KIRREL3: variants seen among roughly 807,000 people sequenced by gnomAD.
KIRREL3 encodes kirre like nephrin family adhesion molecule 3, also known as kin of IRRE-like protein 3.
In KIRREL3, 36 loss-of-function variants were observed where a neutral mutation model predicts 89.7. The ratio of observed to expected loss-of-function variants is 0.40; its 90% confidence interval spans 0.31 to 0.53. KIRREL3 has a LOEUF of 0.53. Among genes scored for constraint, KIRREL3 ranks in the 20% least tolerant of loss-of-function variants. The probability of loss-of-function intolerance (pLI) is 0.49; values close to 1 mark genes in which losing one functional copy is unlikely to be tolerated. For synonymous variants in KIRREL3, 445 were observed against 441.4 expected (o/e 1.01, Z -0.10); for missense variants, 864 against 1,056.6 (o/e 0.82, Z 2.53).
At chr11:126,851,778 C>T (rs1233200866) in intron 1 of KIRREL3, among the ~76,000 whole-genome samples, 1 of 152,164 alleles carries the variant, frequency 6.6e-6, no homozygotes, top group Admixed American at 6.5e-5. Flanking sequence ...TTTATTTGCC[C>T]TTTTTTGATG....
chr11:126,760,075 C>T (rs1202952862), intron 1 of KIRREL3, among the ~76,000 whole-genome samples: 1 of 152,200 alleles, frequency 6.6e-6, no homozygotes, highest in Non-Finnish European at 1.5e-5. Flanking sequence ...CCCACTGGCC[C>T]TGTCCTCTTG....
intron 1 of KIRREL3, among the ~76,000 whole-genome samples, chr11:126,957,624 T>A (rs1016931565): frequency 6.6e-6 from 1 of 152,136 alleles, no homozygotes; most frequent in African/African-American, 2.4e-5. Flanking sequence ...TAGTGAGTTC[T>A]TGGATGGGAG....
Position 126,543,130 on chromosome 11 carries a change from C to A in KIRREL3, c.134-16443G>T, listed in dbSNP as rs553519294. On this transcript the variant is annotated intron_variant, in intron 2 of 16. Transcript: ENST00000525144. ...TCCACTCTGCCTCTCCTGTCACCCC[C>A]CAAACAGAGGCCCTGCAAAGCCTCA... Among the ~76,000 whole-genome samples, 8 of 152,260 alleles carry A rather than the reference C, an allele frequency of 5.3e-5. No homozygotes were observed. In the South Asian group the frequency reaches 1.2e-3, roughly 24 times the overall value.
rs1470947946 is a variant in KIRREL3, at chr11:126,903,988, C to T, written c.55+96467G>A. On this transcript the variant is annotated intron_variant, in intron 1 of 16. Coordinates refer to ENST00000525144, the MANE Select transcript of KIRREL3 (RefSeq NM_032531.4). The surrounding 1 kb of genome is among the most constrained non-coding windows in gnomAD (Gnocchi z 4.5). ...TACAAGGTGACCCTATAATAGCTATCCCCTTGGTAGATAGCACATCTCAAC... is the reference window on the plus strand; with the variant it reads ...TACAAGGTGACCCTATAATAGCTATTCCCTTGGTAGATAGCACATCTCAAC... Among the ~76,000 whole-genome samples the T allele has an allele frequency of 6.6e-6, 1 of 152,118 alleles. No homozygotes were observed. The highest frequency in any genetic ancestry group is 1.5e-5 in the Non-Finnish European group (1 of 68,020).
At position 126,946,324 on chromosome 11, in the gene KIRREL3, T is replaced by C. The variant is rs1159203204; in HGVS notation, c.55+54131A>G. Among the ~76,000 whole-genome samples, 1 of 152,218 alleles carries C rather than the reference T, an allele frequency of 6.6e-6. No homozygotes were observed. The highest frequency in any genetic ancestry group is 1.5e-5 in the Non-Finnish European group (1 of 68,040). On this transcript the variant is annotated intron_variant, in intron 1 of 16. Transcript: ENST00000525144. The surrounding 1 kb of genome is among the most constrained non-coding windows in gnomAD (Gnocchi z 4.1). ...TTGTCATCTGGAAGGGAAGATTTGG[T>C]TGCTACAACATGCCACCATACTGGG...
Position 126,562,829 on chromosome 11 carries a change from A to C in KIRREL3, c.133+6T>G, listed in dbSNP as rs1192220123. 1 of 1,612,722 alleles carries C rather than the reference A, an allele frequency of 6.2e-7. No homozygotes were observed. Among genetic ancestry groups the C allele is most frequent in the South Asian group, 1.1e-5 (1 of 91,006 alleles). On this transcript the variant is annotated splice_donor_region_variant and intron_variant, in intron 2 of 16. Coordinates refer to ENST00000525144, the MANE Select transcript of KIRREL3 (RefSeq NM_032531.4). The surrounding 1 kb of genome is among the most constrained non-coding windows in gnomAD (Gnocchi z 4.7). ...CTCCCGAGACAATGGGGAGGTTCTC[A>C]CTGACCTTCATTCATTCTCCGAAAC...
rs1472335107 is a variant in KIRREL3 at position 126,519,673 on chromosome 11, C to A, written c.433+1642G>T. ...GTGTATGAGTCGGTAGAGGCAGATT[C>A]TTCTGAGGATGGAGGGGCTGAGCCA... On this transcript the variant is annotated intron_variant, in intron 4 of 16. Transcript: ENST00000525144. This position sits in a 1 kb window ranked among gnomAD's most constrained non-coding sequence, Gnocchi z 4.3. Among the ~76,000 whole-genome samples, 2 of 152,162 alleles carry A rather than the reference C, an allele frequency of 1.3e-5. No homozygotes were observed. The highest frequency in any genetic ancestry group is 4.8e-5 in the African/African-American group (2 of 41,430).
intron 1 of KIRREL3, among the ~76,000 whole-genome samples, chr11:126,841,080 T>C (rs1023634326): frequency 2.0e-5 from 3 of 152,220 alleles, no homozygotes; most frequent in African/African-American, 7.2e-5. Flanking sequence ...ATAAATTAAG[T>C]TTTATCGTAG....
chr11:126,480,858 T>G (rs544712758), intron 4 of KIRREL3, among the ~76,000 whole-genome samples: 73 of 152,340 alleles, frequency 4.8e-4, no homozygotes, highest in Admixed American at 1.7e-3. Context: ...TTTGCCCGGT[T>G]CTCTGGTTCT....
rs955721638 is a variant in KIRREL3 at position 126,430,621 on chromosome 11, C to T, written c.1696+798G>A. On this transcript the variant is annotated intron_variant, in intron 14 of 16. Coordinates refer to ENST00000525144, the MANE Select transcript of KIRREL3 (RefSeq NM_032531.4). This position sits in a 1 kb window ranked among gnomAD's most constrained non-coding sequence, Gnocchi z 6.6. ...CAGAAAATGCAAGGGGAACAGCTTTCTTCAAACATGTGCAGGCTGCCGAGT... is the reference window on the plus strand; with the variant it reads ...CAGAAAATGCAAGGGGAACAGCTTTTTTCAAACATGTGCAGGCTGCCGAGT... Among the ~76,000 whole-genome samples the T allele has an allele frequency of 2.0e-5, 3 of 152,172 alleles. No individual in the cohort carries two copies. Among genetic ancestry groups the T allele is most frequent in the Non-Finnish European group, 4.4e-5 (3 of 68,024 alleles).
rs182090640 is a variant in KIRREL3 at position 126,669,805 on chromosome 11, C to T, written c.56-106893G>A. Among the ~76,000 whole-genome samples, 48 of 152,344 alleles carry T rather than the reference C, an allele frequency of 3.2e-4. 1 individual carries two copies. The highest frequency in any genetic ancestry group is 3.4e-3 in the Middle Eastern group (1 of 294). The stretch of plus-strand genomic sequence containing the variant: ...ATCCAGTCTTGACCTATCCCTTGGG[C>T]TAAAGATTTGTAGAGTCAACTGTCT... On this transcript the variant is annotated intron_variant, in intron 1 of 16. Transcript: ENST00000525144. The surrounding 1 kb of genome is among the most constrained non-coding windows in gnomAD (Gnocchi z 5.0).
Position 126,463,152 on chromosome 11 carries a change from C to T in KIRREL3, c.742+5G>A. On this transcript the variant is annotated splice_donor_5th_base_variant and intron_variant, in intron 6 of 16. Coordinates refer to ENST00000525144, the MANE Select transcript of KIRREL3 (RefSeq NM_032531.4). This position sits in a 1 kb window ranked among gnomAD's most constrained non-coding sequence, Gnocchi z 5.9. ...GCTGGGTTGGGGGAGGGGGTGGGTA[C>T]TCACGCTGGATGTCAATGGTGACCG... 6.2e-7 allele frequency: 1 copy of T among 1,612,010 alleles called. No homozygotes were observed. Among genetic ancestry groups the T allele is most frequent in the Non-Finnish European group, 8.5e-7 (1 of 1,179,348 alleles).
intron 1 of KIRREL3, among the ~76,000 whole-genome samples, chr11:126,630,804 G>A (rs981554461): frequency 1.2e-4 from 18 of 152,116 alleles, no homozygotes; most frequent in African/African-American, 4.3e-4. Flanking sequence ...CCCACAGGGC[G>A]CTGAACTCCA....
chr11:126,593,484 T>C (rs1027624214), intron 1 of KIRREL3, among the ~76,000 whole-genome samples: 2 of 152,128 alleles, frequency 1.3e-5, no homozygotes, highest in African/African-American at 4.8e-5. Context: ...GGCAGGCCAG[T>C]ACCTCCCAAC....
chr11:126,661,165 A>G (rs1945384574), intron 1 of KIRREL3, among the ~76,000 whole-genome samples: 2 of 152,220 alleles, frequency 1.3e-5, no homozygotes, highest in South Asian at 4.1e-4. Flanking sequence ...CATGTTTTGG[A>G]TGGTGTCATT....
intron 1 of KIRREL3, among the ~76,000 whole-genome samples, chr11:126,824,508 A>C (rs1943337376): frequency 6.6e-6 from 1 of 152,204 alleles, no homozygotes; most frequent in Non-Finnish European, 1.5e-5. Flanking sequence ...AGTTTATTTA[A>C]GGATGCATGC....
rs552932798 is a variant in KIRREL3, at chr11:126,582,688, G to A, written c.56-19776C>T. Among the ~76,000 whole-genome samples, 3 of 152,292 alleles carry A rather than the reference G, an allele frequency of 2.0e-5. No homozygotes were observed. In the East Asian group the frequency reaches 5.8e-4, roughly 29 times the overall value. ...AAGCCCCATGAGGATGGGAGGGGAA[G>A]GTCACCGAGTATTTGCAAACATGTT... is the stretch of plus-strand genomic sequence containing the variant. On this transcript the variant is annotated intron_variant, in intron 1 of 16. Coordinates refer to ENST00000525144, the MANE Select transcript of KIRREL3 (RefSeq NM_032531.4).
In KIRREL3 at chr11:126,477,830, TG is replaced by T. The variant is rs1957109207; in HGVS notation, c.434-4365del. 6.6e-6 allele frequency among the ~76,000 whole-genome samples: 1 copy of T among 151,806 alleles called. No homozygotes were observed. Among genetic ancestry groups the T allele is most frequent in the South Asian group, 2.1e-4 (1 of 4,818 alleles). ...GGCTGATCGGTGGCAGCTGGAGGGG[TG>T]GGGGACCAGCAGCACCACCCTCCTG... On this transcript the variant is annotated intron_variant, in intron 4 of 16. Transcript: ENST00000525144. This position sits in a 1 kb window ranked among gnomAD's most constrained non-coding sequence, Gnocchi z 4.8.
In KIRREL3 at chr11:126,607,490, G is replaced by A. The variant is rs764012595; in HGVS notation, c.56-44578C>T. ...TTCCACTGGAGGGAGCAGCCTCTCC[G>A]CAGGTGGGGCTGTCCCTCAGGAGCA... On this transcript the variant is annotated intron_variant, in intron 1 of 16. Coordinates refer to ENST00000525144, the MANE Select transcript of KIRREL3 (RefSeq NM_032531.4). This position sits in a 1 kb window ranked among gnomAD's most constrained non-coding sequence, Gnocchi z 6.6. 3.9e-5 allele frequency among the ~76,000 whole-genome samples: 6 copies of A among 152,296 alleles called. 1 individual carries two copies. In the South Asian group the frequency reaches 6.2e-4, roughly 16 times the overall value.
Sources: gnomAD v4.1 joint callset for allele counts (sites outside exome capture counted in the v4.1 genomes callset) on GRCh38, gnomAD v4.1.1 for gene constraint, Gnocchi (gnomAD v3.1) non-coding constraint, MANE v1.5 for transcripts, NCBI Gene and HGNC (gene_info 2026-07-23, HGNC 2026-07-21) for gene names.